The following NAALADL2 variants were observed in gnomAD, a reference collection of about 807,000 sequenced individuals.
NAALADL2 encodes inactive N-acetylated-alpha-linked acidic dipeptidase-like protein 2.
In NAALADL2, 76 loss-of-function variants were observed where a neutral mutation model predicts 87.2. The observed-to-expected ratio is 0.87, with a 90% CI of 0.72 to 1.05. The LOEUF is 1.05. Ranked by LOEUF, NAALADL2 falls within the 50% of genes least tolerant of loss-of-function variation. The pLI is 0.00. For missense variants in NAALADL2, 1,089 were observed against 945.8 expected (o/e 1.15, Z -1.99); for synonymous variants, 354 against 331.0 (o/e 1.07, Z -0.75).
At chr3:175,384,311 C>T (rs998023653) in intron 5 of NAALADL2, among the ~76,000 whole-genome samples, 1 of 151,962 alleles carries the variant, frequency 6.6e-6, no homozygotes, top group African/African-American at 2.4e-5. Flanking sequence ...TGCTGGTATC[C>T]TAAACTCTCC....
chr3:175,046,713 G>C (rs898392437), intron 1 of NAALADL2, among the ~76,000 whole-genome samples: 7 of 152,112 alleles, frequency 4.6e-5, no homozygotes, highest in Non-Finnish European at 1.0e-4. Flanking sequence ...ATATATTTAA[G>C]AAAAACAGCT....
At chr3:175,514,246 A>G (rs1358912421) in intron 9 of NAALADL2, among the ~76,000 whole-genome samples, 2 of 152,192 alleles carry the variant, frequency 1.3e-5, no homozygotes, top group Admixed American at 6.5e-5. Context: ...GCACATCTAT[A>G]AATTCATTAC....
chr3:175,076,479 GAAGT>G (rs1716628679), intron 1 of NAALADL2, among the ~76,000 whole-genome samples: 1 of 151,986 alleles, frequency 6.6e-6, no homozygotes, highest in African/African-American at 2.4e-5. Context: ...ACAACATTAA[GAAGT>G]AAGAAAAACA....
chr3:174,953,344 C>A, intron 1 of NAALADL2, among the ~76,000 whole-genome samples: 1 of 87,508 alleles, frequency 1.1e-5, no homozygotes, highest in Non-Finnish European at 2.2e-5. Flanking sequence ...CCCTCCCCTC[C>A]CCTCCTCTTT....
At chr3:174,868,452 C>T (rs879704534) in intron 1 of NAALADL2, among the ~76,000 whole-genome samples, 1 of 152,072 alleles carries the variant, frequency 6.6e-6, no homozygotes, top group Admixed American at 6.5e-5. Context: ...ATAGTTTACA[C>T]TTGATAAATG....
chr3:174,985,884 G>A (rs540059599), intron 1 of NAALADL2, among the ~76,000 whole-genome samples: 19 of 152,052 alleles, frequency 1.2e-4, no homozygotes, highest in African/African-American at 3.9e-4. Flanking sequence ...CCTGGGAGGC[G>A]GAGGTTGTGA....
chr3:175,763,534 C>G (rs76570868), intron 13 of NAALADL2, among the ~76,000 whole-genome samples: 2,908 of 151,706 alleles, frequency 0.019, 90 homozygotes, highest in African/African-American at 0.067. Flanking sequence ...TTATTGTCCT[C>G]TCTTTTATTT....
At chr3:175,779,991 G>A (rs1398827395) in intron 13 of NAALADL2, among the ~76,000 whole-genome samples, 4 of 152,012 alleles carry the variant, frequency 2.6e-5, no homozygotes, top group South Asian at 2.1e-4. Context: ...AGTCAGGGCC[G>A]GGCGCGGTGG....
chr3:174,909,406 T>C (rs1053095896), intron 1 of NAALADL2, among the ~76,000 whole-genome samples: 1 of 151,956 alleles, frequency 6.6e-6, no homozygotes, highest in African/African-American at 2.4e-5. Flanking sequence ...AAAAAACAAT[T>C]ATAGAGCACT....
At chr3:175,746,977 T>G (rs187586780) in intron 12 of NAALADL2, among the ~76,000 whole-genome samples, 142 of 152,302 alleles carry the variant, frequency 9.3e-4, no homozygotes, top group African/African-American at 3.2e-3. Context: ...CTTTAGATCA[T>G]CTCTAGATTA....
chr3:175,442,134 G>T (rs1439331930), intron 5 of NAALADL2, among the ~76,000 whole-genome samples: 4 of 151,882 alleles, frequency 2.6e-5, no homozygotes, highest in Non-Finnish European at 5.9e-5. Context: ...CAGTAGAGAT[G>T]GGGTTTCACC....
chr3:174,571,892 G>T (rs1278844554), intron 2 of NAALADL2, among the ~76,000 whole-genome samples: 1 of 152,146 alleles, frequency 6.6e-6, no homozygotes, highest in East Asian at 1.9e-4. Context: ...TAAAGTATTA[G>T]ATCCCAATAT....
chr3:175,793,325 T>TTTTC (rs1354836033), intron 13 of NAALADL2, among the ~76,000 whole-genome samples: 1 of 142,508 alleles, frequency 7.0e-6, no homozygotes. Flanking sequence ...TTTTTTTTTT[T>TTTTC]CGAGACGGAG....
At chr3:175,619,262 AGG>A (rs1491333832) in intron 10 of NAALADL2, among the ~76,000 whole-genome samples, 33 of 75,166 alleles carry the variant, frequency 4.4e-4, no homozygotes, top group South Asian at 1.2e-3. Context: ...GAAGGAAGGA[AGG>A]AAGGAGAAGG....
chr3:175,508,665 C>G (rs1362117934), intron 9 of NAALADL2, among the ~76,000 whole-genome samples: 1 of 152,146 alleles, frequency 6.6e-6, no homozygotes, highest in African/African-American at 2.4e-5. Context: ...CAGAATGCCT[C>G]TAAATACATT....
chr3:175,143,965 T>A (rs536101364), intron 2 of NAALADL2, among the ~76,000 whole-genome samples: 1 of 145,422 alleles, frequency 6.9e-6, no homozygotes, highest in Non-Finnish European at 1.5e-5. Context: ...TCTATCTTCA[T>A]GAAAAATTGA....
intron 2 of NAALADL2, among the ~76,000 whole-genome samples, chr3:174,691,334 C>T (rs1461681557): frequency 6.6e-6 from 1 of 151,976 alleles, no homozygotes; most frequent in African/African-American, 2.4e-5. Context: ...ATCGCTTGAA[C>T]CCGGGAGGCA....
At chr3:174,741,451 A>T (rs919489142) in intron 3 of NAALADL2, among the ~76,000 whole-genome samples, 1 of 151,676 alleles carries the variant, frequency 6.6e-6, no homozygotes, top group Admixed American at 6.6e-5. Flanking sequence ...TAAATGTAAT[A>T]TACTATTTCA....
chr3:175,189,580 A>C (rs1483412026), intron 2 of NAALADL2, among the ~76,000 whole-genome samples: 1 of 152,208 alleles, frequency 6.6e-6, no homozygotes, highest in African/African-American at 2.4e-5. Flanking sequence ...AGACAAGTAA[A>C]TTGAGAGATA....
Sources: gnomAD v4.1 joint callset for allele counts (sites outside exome capture counted in the v4.1 genomes callset) on GRCh38, gnomAD v4.1.1 for gene constraint, MANE v1.5 for transcripts, NCBI Gene and HGNC (gene_info 2026-07-23, HGNC 2026-07-21) for gene names.